Variants in IL1RL2 observed in about 807,000 individuals in gnomAD.
The protein encoded by IL1RL2 is interleukin 1 receptor like 2.
Under a neutral mutation model 66.8 loss-of-function variants are expected in IL1RL2, and 68 were observed. The ratio of observed to expected loss-of-function variants is 1.02; its 90% CI spans 0.84 to 1.25. The LOEUF (loss-of-function observed/expected upper bound fraction) is 1.25, where lower values mean the gene tolerates loss of function less well. IL1RL2 is among the 50% of genes most tolerant of loss of function. The pLI, the probability that IL1RL2 is intolerant of heterozygous loss-of-function variation, is 0.00. For synonymous variants in IL1RL2, 305 were observed against 264.6 expected (o/e 1.15, Z -1.48); for missense variants, 729 against 709.3 (o/e 1.03, Z -0.32).
At chr2:102,233,335 G>T (rs890798675) in intron 10 of IL1RL2, among the ~76,000 whole-genome samples, 1 of 152,022 alleles carries the variant, frequency 6.6e-6, no homozygotes, top group Non-Finnish European at 1.5e-5. Flanking sequence ...TCCCTGCCCC[G>T]CAGTGCCTGA....
intron 4 of IL1RL2, among the ~76,000 whole-genome samples, chr2:102,195,590 T>G (rs1375835769): frequency 1.7e-3 from 28 of 16,916 alleles, no homozygotes; most frequent in African/African-American, 4.5e-3. Flanking sequence ...TCTTTCTTTC[T>G]TTCTTTCTTT....
chr2:102,228,319 T>G (rs1384756000), intron 9 of IL1RL2, among the ~76,000 whole-genome samples: 1 of 152,116 alleles, frequency 6.6e-6, no homozygotes, highest in Non-Finnish European at 1.5e-5. Context: ...AAATACCGAT[T>G]AATGGATGAA....
At chr2:102,242,203 T>C (rs974640457), downstream of IL1RL2, among the ~76,000 whole-genome samples, 17 of 152,212 alleles carry the variant, frequency 1.1e-4, no homozygotes, top group African/African-American at 4.1e-4. Context: ...TCCTCCCTGA[T>C]TATTTGCTCA....
chr2:102,208,374 A>G (rs1688876736), intron 5 of IL1RL2, among the ~76,000 whole-genome samples: 1 of 152,230 alleles, frequency 6.6e-6, no homozygotes. Flanking sequence ...CAAGGTCACA[A>G]ACCTGGTTAT....
intron 6 of IL1RL2, among the ~76,000 whole-genome samples, chr2:102,212,824 C>T (rs1251437294): frequency 6.6e-6 from 1 of 152,064 alleles, no homozygotes; most frequent in East Asian, 1.9e-4. Flanking sequence ...AAAAAATTAG[C>T]CGGGCATGGT....
intron 5 of IL1RL2, 100 bp from the exon 6 acceptor site, chr2:102,212,000 T>C: frequency 1.4e-6 from 1 of 719,174 alleles, no homozygotes. Context: ...CAGAGCTTAT[T>C]GATGGTCTGC....
At chr2:102,205,854 G>A (rs79901634) in intron 5 of IL1RL2, among the ~76,000 whole-genome samples, 42,651 of 152,004 alleles carry the variant, frequency 0.28, 6,613 homozygotes, top group East Asian at 0.39. Flanking sequence ...CCTCTGTAAA[G>A]CCAATAACTT....
intron 4 of IL1RL2, among the ~76,000 whole-genome samples, chr2:102,195,623 TTCTTTC>T (rs1241403997): frequency 8.5e-3 from 116 of 13,650 alleles, no homozygotes; most frequent in South Asian, 0.023. Context: ...CTTTCTTTCT[TTCTTTC>T]TCTCTCTCTC....
chr2:102,195,609 C>CTTTCTTTCTT (rs1559530056), intron 4 of IL1RL2, among the ~76,000 whole-genome samples: 31 of 17,944 alleles, frequency 1.7e-3, no homozygotes, highest in African/African-American at 4.2e-3. Flanking sequence ...TTCTTTCTTT[C>CTTTCTTTCTT]TTTCTTTCTT....
chr2:102,194,556 C>T (rs1277016653), intron 4 of IL1RL2, among the ~76,000 whole-genome samples: 1 of 138,522 alleles, frequency 7.2e-6, no homozygotes, highest in Non-Finnish European at 1.7e-5. Context: ...GTTATTTATG[C>T]CCCTATACCT....
At chr2:102,200,743 A>C (rs1688183859) in intron 4 of IL1RL2, among the ~76,000 whole-genome samples, 1 of 152,074 alleles carries the variant, frequency 6.6e-6, no homozygotes, top group Non-Finnish European at 1.5e-5. Context: ...ATGTGAGCCT[A>C]GGACAGGACA....
At chr2:102,188,939 C>G (rs563116410) in intron 2 of IL1RL2, 137 bp from the exon 3 acceptor site, 32 of 635,416 alleles carry the variant, frequency 5.0e-5, no homozygotes, top group Non-Finnish European at 8.4e-5. Context: ...TTTTAGGAAA[C>G]TTCCAGACTC....
At chr2:102,228,876 T>TA (rs1292625901) in intron 9 of IL1RL2, among the ~76,000 whole-genome samples, 1 of 150,038 alleles carries the variant, frequency 6.7e-6, no homozygotes, top group Non-Finnish European at 1.5e-5. Flanking sequence ...CAAAGGCAGA[T>TA]TTTTTTTCCC....
intron 8 of IL1RL2, among the ~76,000 whole-genome samples, chr2:102,221,861 T>C (rs1037621526): frequency 1.3e-5 from 2 of 152,226 alleles, no homozygotes; most frequent in Non-Finnish European, 2.9e-5. Context: ...TGGAATATAA[T>C]GCATATATGT....
At chr2:102,212,218 C>A in intron 6 of IL1RL2, 44 bp downstream of exon 6, 2 of 1,335,308 alleles carry the variant, frequency 1.5e-6, no homozygotes, top group Non-Finnish European at 2.2e-6. Flanking sequence ...AGGGGAAGAG[C>A]TCATTATGTT....
chr2:102,192,686 T>C (rs927747932), intron 4 of IL1RL2, among the ~76,000 whole-genome samples: 1 of 152,248 alleles, frequency 6.6e-6, no homozygotes, highest in Non-Finnish European at 1.5e-5. Context: ...TTGATGATCC[T>C]GGCATATGTT....
rs35157438 is a variant in IL1RL2, at chr2:102,222,731, G to A, written c.991+2714G>A. On this transcript the variant is annotated intron_variant, in intron 8 of 11. Transcript: ENST00000264257. ...TTTCACCCAAGCAGAGCCTGCTGGCGTTTCCTCCCTTCTGACTTTCCATTG... is the reference window on the plus strand; with the variant it reads ...TTTCACCCAAGCAGAGCCTGCTGGCATTTCCTCCCTTCTGACTTTCCATTG... Among the ~76,000 whole-genome samples, 1,021 of 152,258 alleles carry A rather than the reference G, an allele frequency of 6.7e-3. 12 individuals carry two copies. The highest frequency in any genetic ancestry group is 0.023 in the African/African-American group (939 of 41,558).
chr2:102,235,806 GCAGA>G (rs1674827493), intron 11 of IL1RL2: 1 of 985,416 alleles, frequency 1.0e-6, no homozygotes, highest in Non-Finnish European at 1.2e-6. Flanking sequence ...CTCTGTCAGT[GCAGA>G]CAAAGAGCTG....
At chr2:102,187,253 C>T (rs1181216853) in intron 1 of IL1RL2, 167 bp downstream of exon 1, 4 of 1,187,766 alleles carry the variant, frequency 3.4e-6, no homozygotes, top group East Asian at 5.9e-5. Flanking sequence ...GAGCCGACTC[C>T]GTCTCTGGGT....
Sources: allele counts gnomAD v4.1 joint callset (sites outside exome capture counted in the v4.1 genomes callset), GRCh38; gene constraint gnomAD v4.1.1; transcripts MANE v1.5; gene names NCBI Gene and HGNC (gene_info 2026-07-23, HGNC 2026-07-21).